Variants in CTNNA3 observed in about 807,000 individuals in gnomAD.
The protein encoded by CTNNA3 is catenin alpha-3.
A neutral mutation model predicts 95.7 loss-of-function variants in CTNNA3; 76 were observed. The observed-to-expected ratio is 0.79, with a 90% CI of 0.66 to 0.96. The LOEUF (loss-of-function observed/expected upper bound fraction) is 0.96, where lower values mean the gene tolerates loss of function less well. CTNNA3 is among the 40% of genes least tolerant of loss of function. The probability of loss-of-function intolerance (pLI) is 0.00; values close to 1 mark genes in which losing one functional copy is unlikely to be tolerated. For missense variants in CTNNA3, 1,191 were observed against 1,089.8 expected, an observed-to-expected ratio of 1.09 and a Z score of -1.31; for synonymous variants, 431 against 374.4, an observed-to-expected ratio of 1.15 and a Z score of -1.74.
intron 7 of CTNNA3, among the ~76,000 whole-genome samples, chr10:67,163,700 A>G (rs1861645123): frequency 6.6e-6 from 1 of 152,016 alleles, no homozygotes; most frequent in African/African-American, 2.4e-5. Flanking sequence ...CTATCTATAC[A>G]TGACATAATT....
intron 13 of CTNNA3, among the ~76,000 whole-genome samples, chr10:66,199,782 T>TAC: frequency 7.9e-5 from 1 of 12,664 alleles, no homozygotes; most frequent in Non-Finnish European, 1.7e-4. Context: ...TATATATATA[T>TAC]ATATATATAT....
At chr10:67,570,656 G>T (rs781460217) in intron 3 of CTNNA3, among the ~76,000 whole-genome samples, 13 of 152,168 alleles carry the variant, frequency 8.5e-5, no homozygotes, top group Non-Finnish European at 1.6e-4. Flanking sequence ...ACTGAACTCA[G>T]CATCTTCTTC....
chr10:66,926,645 G>A, intron 7 of CTNNA3: 2 of 1,573,004 alleles, frequency 1.3e-6, no homozygotes, highest in Non-Finnish European at 1.7e-6. Context: ...AAAACCTCTA[G>A]TGTGTGTAAT....
intron 9 of CTNNA3, among the ~76,000 whole-genome samples, chr10:66,665,722 A>G (rs1846427841): frequency 6.6e-6 from 1 of 152,176 alleles, no homozygotes; most frequent in African/African-American, 2.4e-5. Context: ...AGCTGTGGAG[A>G]GATGACAGTG....
chr10:67,709,833 A>T (rs1841097165), intron 1 of CTNNA3, among the ~76,000 whole-genome samples: 2 of 152,280 alleles, frequency 1.3e-5, no homozygotes, highest in Admixed American at 6.5e-5. Context: ...TTGAGAGTTG[A>T]GCACAATCTC....
At chr10:67,272,064 C>A (rs1257083888) in intron 5 of CTNNA3, among the ~76,000 whole-genome samples, 1 of 152,168 alleles carries the variant, frequency 6.6e-6, no homozygotes, top group Non-Finnish European at 1.5e-5. Flanking sequence ...CTTCCCTATA[C>A]CTCTGTCACA....
intron 5 of CTNNA3, among the ~76,000 whole-genome samples, chr10:67,256,920 A>G (rs934187019): frequency 1.3e-5 from 2 of 152,056 alleles, no homozygotes; most frequent in African/African-American, 2.4e-5. Context: ...TTAGTTAAAT[A>G]AAAAAAATTA....
At chr10:67,195,796 T>C (rs114936924) in intron 6 of CTNNA3, among the ~76,000 whole-genome samples, 3,557 of 152,168 alleles carry the variant, frequency 0.023, 115 homozygotes, top group African/African-American at 0.074. Context: ...AAATCAATAT[T>C]TTGGTTGGAA....
chr10:65,959,109 A>G (rs1475737602), intron 17 of CTNNA3, among the ~76,000 whole-genome samples: 2 of 152,300 alleles, frequency 1.3e-5, no homozygotes, highest in East Asian at 3.9e-4. Context: ...CCCCTCCCAC[A>G]GCCTTGCTGC....
rs181776393 is a variant in CTNNA3, at chr10:67,312,777, T to G, written c.580-92907A>C. The stretch of plus-strand genomic sequence containing the variant: ...ATAGATGGACAGATGGGTGGATATA[T>G]GAATAAATAAATGACTGGCCTGAAT... On this transcript the variant is annotated intron_variant, in intron 5 of 17. Coordinates refer to ENST00000433211, the MANE Select transcript of CTNNA3 (RefSeq NM_013266.4). Among the ~76,000 whole-genome samples the G allele has an allele frequency of 6.6e-5, 10 of 152,336 alleles. No individual in the cohort carries two copies. The South Asian group carries it at 8.3e-4, about 13-fold the overall frequency.
intron 1 of CTNNA3, among the ~76,000 whole-genome samples, chr10:67,664,578 T>G (rs1840284331): frequency 6.6e-6 from 1 of 151,160 alleles, no homozygotes; most frequent in African/African-American, 2.4e-5. Context: ...TATTTTATTG[T>G]TTTTTTTCTT....
chr10:66,309,285 T>A (rs1451564234), intron 12 of CTNNA3, among the ~76,000 whole-genome samples: 1 of 152,184 alleles, frequency 6.6e-6, no homozygotes, highest in African/African-American at 2.4e-5. Flanking sequence ...TTTACCTCAG[T>A]GTTTGAAATC....
chr10:67,008,680 C>A (rs115635734), intron 7 of CTNNA3, among the ~76,000 whole-genome samples: 1 of 152,210 alleles, frequency 6.6e-6, no homozygotes, highest in East Asian at 1.9e-4. Flanking sequence ...GATTTAGAAG[C>A]CCCAGCTAGG....
intron 5 of CTNNA3, among the ~76,000 whole-genome samples, chr10:67,331,663 T>A (rs75321234): frequency 0.076 from 11,509 of 152,220 alleles, 548 homozygotes; most frequent in East Asian, 0.15. Flanking sequence ...TGAATATATA[T>A]GTGTTAACAT....
chr10:66,781,118 C>G lies in CTNNA3; in HGVS notation c.1048-5594G>C, dbSNP rs138096458. On this transcript the variant is annotated intron_variant, in intron 7 of 17. Transcript: ENST00000433211. Reference sequence around the variant, plus strand: ...AAACACTAAGAGATGAGGTTTAAAGCAAATAAAAATTTATCTAATTCATAG... The same window carrying G: ...AAACACTAAGAGATGAGGTTTAAAGGAAATAAAAATTTATCTAATTCATAG... Among the ~76,000 whole-genome samples, 1,499 of 152,138 alleles carry G rather than the reference C, an allele frequency of 9.9e-3. 29 individuals are homozygous for G. Among genetic ancestry groups the G allele is most frequent in the African/African-American group, 0.033 (1,378 of 41,498 alleles).
At chr10:66,233,715 T>C (rs2089708780) in intron 13 of CTNNA3, among the ~76,000 whole-genome samples, 1 of 152,172 alleles carries the variant, frequency 6.6e-6, no homozygotes, top group South Asian at 2.1e-4. Flanking sequence ...TCACTTCTGG[T>C]GGATTAAACA....
chr10:65,988,448 C>T (rs1253799818), intron 16 of CTNNA3, among the ~76,000 whole-genome samples: 1 of 152,186 alleles, frequency 6.6e-6, no homozygotes, highest in African/African-American at 2.4e-5. Flanking sequence ...ATATTTGATG[C>T]TGAAGAGCTG....
chr10:66,075,856 C>G (rs1307303973), intron 14 of CTNNA3, among the ~76,000 whole-genome samples: 4 of 151,396 alleles, frequency 2.6e-5, no homozygotes, highest in Non-Finnish European at 5.9e-5. Context: ...TTTGGCTTTC[C>G]TTAACTATAA....
At chr10:67,744,118 C>T (rs1841359719) in intron 1 of CTNNA3, among the ~76,000 whole-genome samples, 2 of 151,222 alleles carry the variant, frequency 1.3e-5, no homozygotes, top group Admixed American at 1.3e-4. Context: ...CATCAAGCTG[C>T]CAATGACTTT....
Sources: gnomAD v4.1 joint callset for allele counts (sites outside exome capture counted in the v4.1 genomes callset) on GRCh38, gnomAD v4.1.1 for gene constraint, MANE v1.5 for transcripts, NCBI Gene and HGNC (gene_info 2026-07-23, HGNC 2026-07-21) for gene names.